AMPH: variants seen among roughly 807,000 people sequenced by gnomAD.
The protein encoded by AMPH is amphiphysin.
A neutral mutation model predicts 99.1 loss-of-function variants in AMPH; 49 were observed. The ratio of observed to expected loss-of-function variants is 0.49; its 90% CI spans 0.39 to 0.63. The LOEUF (loss-of-function observed/expected upper bound fraction) is 0.63. Ranked by LOEUF, AMPH falls within the 20% of genes least tolerant of loss-of-function variation. AMPH has a pLI of 0.00. For synonymous variants in AMPH, 314 were observed against 317.3 expected, an observed-to-expected ratio of 0.99 and a Z score of 0.11; for missense variants, 759 against 863.4, an observed-to-expected ratio of 0.88 and a Z score of 1.52.
intron 9 of AMPH, chr7:38,464,164 T>A: frequency 7.9e-7 from 1 of 1,264,164 alleles, no homozygotes; most frequent in African/African-American, 1.5e-5. Context: ...CGCTTTTTCT[T>A]CACTGTATCT....
At chr7:38,395,693 T>C (rs1391533314) in intron 17 of AMPH, among the ~76,000 whole-genome samples, 3 of 152,218 alleles carry the variant, frequency 2.0e-5, no homozygotes, top group African/African-American at 7.2e-5. Flanking sequence ...CTATTTTTTC[T>C]TTGTTGAATA....
At chr7:38,538,081 A>T (rs1003172643) in intron 1 of AMPH, among the ~76,000 whole-genome samples, 3 of 152,216 alleles carry the variant, frequency 2.0e-5, no homozygotes, top group African/African-American at 7.2e-5. Flanking sequence ...AGTTTTCATC[A>T]TAGTTTCCTA....
At chr7:38,441,701 C>A (rs1786512537) in intron 11 of AMPH, among the ~76,000 whole-genome samples, 1 of 147,934 alleles carries the variant, frequency 6.8e-6, no homozygotes, top group East Asian at 2.0e-4. Flanking sequence ...ACATAACTAC[C>A]TATCAATGAA....
In AMPH at chr7:38,463,113, A is replaced by G. The variant is rs369136799; in HGVS notation, c.750T>C (p.Ser250=). 1.2e-6 allele frequency: 2 copies of G among 1,613,866 alleles called. No homozygotes were observed. The highest frequency in any genetic ancestry group is 1.7e-6 in the Non-Finnish European group (2 of 1,179,812). Residue 250 remains serine (S), a splice_region_variant and synonymous_variant, in exon 10 of 21, where the codon AGT becomes AGC. Transcript: ENST00000356264. ...TTGCAATGCGGAGAGGACCCGAATC[A>G]CTAGAGGAACACAGGGGATTGGGCA... ...DKAFTIQGAP[S]DSGPLRIAKT...
chr7:38,611,665 A>T (rs79665072), intron 1 of AMPH, among the ~76,000 whole-genome samples: 4,799 of 152,314 alleles, frequency 0.032, 105 homozygotes, highest in Middle Eastern at 0.065. Context: ...TGGAACAATA[A>T]TTCCACACCT....
chr7:38,601,897 A>T (rs1793258549), intron 1 of AMPH, among the ~76,000 whole-genome samples: 1 of 152,160 alleles, frequency 6.6e-6, no homozygotes, highest in Admixed American at 6.6e-5. Context: ...TCATTATAAG[A>T]TCCTATAAAG....
At chr7:38,582,453 C>G (rs998565034) in intron 1 of AMPH, among the ~76,000 whole-genome samples, 1 of 152,176 alleles carries the variant, frequency 6.6e-6, no homozygotes, top group Admixed American at 6.5e-5. Flanking sequence ...TTCCCAAGAG[C>G]TTTCCATGCA....
intron 17 of AMPH, among the ~76,000 whole-genome samples, chr7:38,413,136 A>G (rs2128985318): frequency 6.6e-6 from 1 of 152,274 alleles, no homozygotes; most frequent in South Asian, 2.1e-4. Flanking sequence ...ATATCACCAA[A>G]CTGTCATTAA....
intron 7 of AMPH, among the ~76,000 whole-genome samples, chr7:38,469,590 C>T (rs1787804177): frequency 6.6e-6 from 1 of 152,098 alleles, no homozygotes; most frequent in Admixed American, 6.5e-5. Flanking sequence ...TCTTCTGATC[C>T]TCTAAGCTCA....
intron 1 of AMPH, among the ~76,000 whole-genome samples, chr7:38,626,204 T>C (rs879487296): frequency 1.3e-5 from 2 of 152,190 alleles, no homozygotes; most frequent in Admixed American, 6.5e-5. Flanking sequence ...GTGCAGAATA[T>C]GCAGGTTTGT....
chr7:38,451,178 T>C (rs897581152), intron 11 of AMPH, among the ~76,000 whole-genome samples: 4 of 151,384 alleles, frequency 2.6e-5, no homozygotes, highest in African/African-American at 9.7e-5. Flanking sequence ...CAGATGTGAG[T>C]CACCATGTCT....
rs1562770554 is a variant in AMPH at position 38,461,343 on chromosome 7, G to A, written c.957C>T (p.Asn319=). The change falls in exon 11 of 21, where the codon AAC becomes AAT. Residue 319 remains asparagine (N), a synonymous_variant. Transcript: ENST00000356264. ...VTPTKELQQE[N]IISFFEDNFV... ...AGTTGTCCTCAAAGAAACTGATGAT[G>A]TTCTCCTGCTGCAGTTCCTTTGTCG... 2 of 1,614,144 alleles carry A rather than the reference G, an allele frequency of 1.2e-6. No individual in the cohort carries two copies. The highest frequency in any genetic ancestry group is 2.2e-5 in the South Asian group (2 of 91,078).
chr7:38,393,408 G>A (rs983499660), intron 18 of AMPH, among the ~76,000 whole-genome samples: 11 of 152,128 alleles, frequency 7.2e-5, no homozygotes, highest in Admixed American at 1.3e-4. Flanking sequence ...GGAGGCCCTC[G>A]CAGTGGTAGA....
chr7:38,441,826 CATATATATCATA>C (rs1481863029), intron 11 of AMPH, among the ~76,000 whole-genome samples: 1 of 96,914 alleles, frequency 1.0e-5, no homozygotes, highest in Non-Finnish European at 2.0e-5. Context: ...TATCATATAT[CATATATATCATA>C]TATCATATAT....
At chr7:38,545,621 T>C (rs7796967) in intron 1 of AMPH, among the ~76,000 whole-genome samples, 32,946 of 152,048 alleles carry the variant, frequency 0.22, 3,959 homozygotes, top group East Asian at 0.52. Context: ...CACAAACACA[T>C]CATAAATGAA....
intron 1 of AMPH, among the ~76,000 whole-genome samples, chr7:38,594,205 TGATTTATTGATGTTATG>T (rs1792966635): frequency 6.6e-6 from 1 of 152,098 alleles, no homozygotes; most frequent in African/African-American, 2.4e-5. Context: ...AGAGCTGCCA[TGATTTATTGATGTTATG>T]GATGTGGGGC....
chr7:38,432,269 T>A (rs1398921769), intron 12 of AMPH, 57 bp from the exon 13 acceptor site: 1 of 1,493,660 alleles, frequency 6.7e-7, no homozygotes, highest in African/African-American at 1.4e-5. Flanking sequence ...CATAAAAAAA[T>A]GCTGAGGTGA....
chr7:38,453,903 G>T (rs1023430291), intron 11 of AMPH, among the ~76,000 whole-genome samples: 1 of 152,172 alleles, frequency 6.6e-6, no homozygotes, highest in Non-Finnish European at 1.5e-5. Context: ...GAATGAAGCT[G>T]GGCAGTAGCA....
At chr7:38,545,961 T>C (rs2129044436) in intron 1 of AMPH, among the ~76,000 whole-genome samples, 2 of 152,258 alleles carry the variant, frequency 1.3e-5, no homozygotes. Context: ...AGTTAAAAAA[T>C]ACAGGGGGGG....
Sources: gnomAD v4.1 joint callset for allele counts (sites outside exome capture counted in the v4.1 genomes callset) on GRCh38, gnomAD v4.1.1 for gene constraint, MANE v1.5 for transcripts, NCBI Gene and HGNC (gene_info 2026-07-23, HGNC 2026-07-21) for gene names.